EXT1: variants seen among roughly 807,000 people sequenced by gnomAD.
The protein encoded by EXT1 is exostosin-1.
In EXT1, 20 loss-of-function variants were observed where a neutral mutation model predicts 82.5. The observed-to-expected ratio is 0.24, with a 90% CI of 0.17 to 0.35. EXT1 has a LOEUF of 0.35. Ranked by LOEUF, EXT1 falls within the 10% of genes least tolerant of loss-of-function variation. The probability of loss-of-function intolerance (pLI) is 1.00; values close to 1 mark genes in which losing one functional copy is unlikely to be tolerated. For missense variants in EXT1, 757 were observed against 936.5 expected, an observed-to-expected ratio of 0.81 and a Z score of 2.50; for synonymous variants, 348 against 350.8, an observed-to-expected ratio of 0.99 and a Z score of 0.09.
intron 1 of EXT1, among the ~76,000 whole-genome samples, chr8:118,038,106 G>A (rs879602451): frequency 1.1e-4 from 17 of 152,100 alleles, no homozygotes; most frequent in Non-Finnish European, 1.6e-4. Context: ...GATTATAGGC[G>A]TGAGCCACTG....
intron 9 of EXT1, among the ~76,000 whole-genome samples, chr8:117,806,136 C>T (rs2129697728): frequency 6.6e-6 from 1 of 152,340 alleles, no homozygotes; most frequent in South Asian, 2.1e-4. Flanking sequence ...CCATTCACTT[C>T]CTGGTCCCAG....
At chr8:117,825,163 C>A (rs1384159847) in intron 4 of EXT1, among the ~76,000 whole-genome samples, 5 of 152,204 alleles carry the variant, frequency 3.3e-5, no homozygotes, top group Non-Finnish European at 7.3e-5. Flanking sequence ...TGAGCCACCG[C>A]TCCAGACCAG....
intron 1 of EXT1, among the ~76,000 whole-genome samples, chr8:118,061,545 C>G (rs1265018257): frequency 6.6e-6 from 1 of 152,176 alleles, no homozygotes; most frequent in Non-Finnish European, 1.5e-5. Flanking sequence ...ACACCACAAG[C>G]TTTTTACAAA....
intron 1 of EXT1, among the ~76,000 whole-genome samples, chr8:117,877,057 A>G (rs1812983858): frequency 6.6e-6 from 1 of 152,234 alleles, no homozygotes. Context: ...GTCATGTCAC[A>G]GAGGCGTGAT....
intron 1 of EXT1, among the ~76,000 whole-genome samples, chr8:117,962,763 CCA>C (rs145883501): frequency 0.15 from 20,701 of 136,598 alleles, 2,771 homozygotes; most frequent in African/African-American, 0.42. Flanking sequence ...CCCACACCCC[CCA>C]CCCCCAAAAA....
intron 7 of EXT1, among the ~76,000 whole-genome samples, chr8:117,815,377 G>A (rs1811789206): frequency 6.6e-6 from 1 of 152,100 alleles, no homozygotes; most frequent in South Asian, 2.1e-4. Context: ...CCAACCACAG[G>A]TCTTAAAAGG....
At chr8:117,996,411 G>A (rs17476254) in intron 1 of EXT1, among the ~76,000 whole-genome samples, 2,925 of 152,242 alleles carry the variant, frequency 0.019, 36 homozygotes, top group Middle Eastern at 0.031. Context: ...GGCCATGTAC[G>A]GCTAGTGGCT....
chr8:117,943,380 T>C (rs1387193619), intron 1 of EXT1, among the ~76,000 whole-genome samples: 4 of 152,176 alleles, frequency 2.6e-5, no homozygotes, highest in African/African-American at 7.2e-5. Flanking sequence ...ACAGCACCGA[T>C]TGTAACAATG....
intron 1 of EXT1, among the ~76,000 whole-genome samples, chr8:117,956,193 AGT>A (rs1167113777): frequency 3.3e-5 from 5 of 150,022 alleles, no homozygotes; most frequent in African/African-American, 9.8e-5. Flanking sequence ...AAAAAAAACA[AGT>A]CGGGGATCCC....
chr8:117,822,356 A>G, intron 5 of EXT1, 109 bp downstream of exon 5: 2 of 1,238,508 alleles, frequency 1.6e-6, no homozygotes, highest in Non-Finnish European at 1.2e-6. Flanking sequence ...AGCAATCTTC[A>G]ATGCAGGGTG....
intron 1 of EXT1, among the ~76,000 whole-genome samples, chr8:118,097,406 C>T (rs1186358094): frequency 6.6e-6 from 1 of 152,112 alleles, no homozygotes; most frequent in African/African-American, 2.4e-5. Context: ...CAGATCGCCC[C>T]ACTGCACTCC....
chr8:117,820,294 C>T (rs1811901285), intron 5 of EXT1, among the ~76,000 whole-genome samples: 1 of 152,242 alleles, frequency 6.6e-6, no homozygotes, highest in Admixed American at 6.5e-5. Flanking sequence ...CTACCACTTA[C>T]TGGTCGGGGG....
intron 1 of EXT1, among the ~76,000 whole-genome samples, chr8:118,052,388 G>T (rs1357667218): frequency 1.3e-5 from 2 of 152,140 alleles, no homozygotes; most frequent in African/African-American, 4.8e-5. Context: ...TTACTTCAGT[G>T]TCTGTTATTC....
intron 1 of EXT1, among the ~76,000 whole-genome samples, chr8:117,973,858 A>G (rs1815002358): frequency 1.4e-5 from 2 of 142,974 alleles, no homozygotes; most frequent in South Asian, 4.5e-4. Context: ...AAGGAAAGGA[A>G]AGGAAAGGAA....
chr8:117,928,493 A>C (rs1813991745), intron 1 of EXT1, among the ~76,000 whole-genome samples: 1 of 152,224 alleles, frequency 6.6e-6, no homozygotes, highest in Non-Finnish European at 1.5e-5. Flanking sequence ...CAAGCTTCAA[A>C]CTTTCTTAAA....
intron 1 of EXT1, among the ~76,000 whole-genome samples, chr8:118,001,999 A>G (rs1002609121): frequency 2.0e-5 from 3 of 152,198 alleles, no homozygotes; most frequent in African/African-American, 7.2e-5. Context: ...AATTAAACCA[A>G]TGAATTCAAA....
At chr8:117,863,664 G>A (rs1299912633) in intron 1 of EXT1, among the ~76,000 whole-genome samples, 1 of 152,044 alleles carries the variant, frequency 6.6e-6, no homozygotes, top group Non-Finnish European at 1.5e-5. Flanking sequence ...CAGCGCACTA[G>A]ATATCTCTGC....
intron 1 of EXT1, among the ~76,000 whole-genome samples, chr8:117,887,684 CT>C (rs1813171840): frequency 5.7e-5 from 2 of 35,322 alleles, no homozygotes; most frequent in Admixed American, 9.4e-4. Context: ...TAGTTTCTCT[CT>C]TTCTCATTGC....
intron 1 of EXT1, among the ~76,000 whole-genome samples, chr8:117,909,100 C>T (rs1039228520): frequency 4.6e-5 from 7 of 150,868 alleles, no homozygotes; most frequent in Admixed American, 1.3e-4. Flanking sequence ...CCGTTGGACT[C>T]CAGCCTGGTC....
Sources: allele counts gnomAD v4.1 joint callset (sites outside exome capture counted in the v4.1 genomes callset), GRCh38; gene constraint gnomAD v4.1.1; transcripts MANE v1.5; gene names NCBI Gene and HGNC (gene_info 2026-07-23, HGNC 2026-07-21).